N4BP2: variants seen among roughly 807,000 people sequenced by gnomAD.
N4BP2 encodes the protein NEDD4-binding protein 2.
N4BP2 carries 91 observed loss-of-function variants against 152.8 expected under a neutral mutation model. The observed-to-expected ratio is 0.60, with a 90% CI of 0.50 to 0.71. The LOEUF (loss-of-function observed/expected upper bound fraction) is 0.71, where lower values mean the gene tolerates loss of function less well. N4BP2 is among the 30% of genes least tolerant of loss of function. N4BP2 has a pLI of 0.00. For missense variants in N4BP2, 1,923 were observed against 2,059.1 expected, an observed-to-expected ratio of 0.93 and a Z score of 1.28; for synonymous variants, 646 against 705.3, an observed-to-expected ratio of 0.92 and a Z score of 1.33.
intron 5 of N4BP2, among the ~76,000 whole-genome samples, chr4:40,110,787 C>CCGA (rs1716800253): frequency 6.6e-6 from 1 of 152,148 alleles, no homozygotes; most frequent in African/African-American, 2.4e-5. Flanking sequence ...ATCCGCCCGC[C>CCGA]TCAGTATCCC....
At chr4:40,137,299 T>G (rs910042605) in intron 14 of N4BP2, among the ~76,000 whole-genome samples, 1 of 152,222 alleles carries the variant, frequency 6.6e-6, no homozygotes, top group African/African-American at 2.4e-5. Flanking sequence ...AACAGGCACT[T>G]GAATTTCTGC....
chr4:40,141,282 T>C (rs1719919312), intron 14 of N4BP2, among the ~76,000 whole-genome samples: 1 of 151,020 alleles, frequency 6.6e-6, no homozygotes, highest in Non-Finnish European at 1.5e-5. Context: ...CCCCACCTCC[T>C]TCCTGGACGG....
Position 40,124,142 on chromosome 4 carries a change from C to A in N4BP2, c.4285-18C>A, listed in dbSNP as rs748432614. The A allele has an allele frequency of 1.2e-6, 2 of 1,603,328 alleles. No individual in the cohort carries two copies. Among genetic ancestry groups the A allele is most frequent in the Admixed American group, 1.7e-5 (1 of 59,884 alleles). Reference sequence around the variant, plus strand: ...GCACTCCCTGTTTGCCAATCTCTTGCCTGGCTTTTGTGTTTAGGAGCGACA... The same window carrying A: ...GCACTCCCTGTTTGCCAATCTCTTGACTGGCTTTTGTGTTTAGGAGCGACA... On this transcript the variant is annotated intron_variant, in intron 10 of 17. Coordinates refer to ENST00000261435, the MANE Select transcript of N4BP2 (RefSeq NM_018177.6).
Position 40,102,199 on chromosome 4 carries a change from A to G in N4BP2, c.354A>G (p.Glu118=), listed in dbSNP as rs1211760640. The part of the protein sequence containing the change: ...QVGAAESKIM[E]KRPEEESEDS... ...GTGCAGCAGAAAGTAAAATAATGGA[A>G]AAACGTCCTGAAGAAGAGAGTGAAG... is the stretch of plus-strand genomic sequence containing the variant. Residue 118 remains glutamate (E), a synonymous_variant, in exon 4 of 18, where the codon GAA becomes GAG. Coordinates refer to ENST00000261435, the MANE Select transcript of N4BP2 (RefSeq NM_018177.6). 1 of 1,613,926 alleles carries G rather than the reference A, an allele frequency of 6.2e-7. No homozygotes were observed. The highest frequency in any genetic ancestry group is 8.5e-7 in the Non-Finnish European group (1 of 1,179,982).
intron 2 of N4BP2, among the ~76,000 whole-genome samples, chr4:40,074,823 A>G (rs964397635): frequency 2.0e-5 from 3 of 151,994 alleles, no homozygotes; most frequent in Non-Finnish European, 2.9e-5. Context: ...CCTGGCTAAC[A>G]TGGCAAAACT....
chr4:40,072,975 G>A (rs1712359331), intron 1 of N4BP2, among the ~76,000 whole-genome samples: 1 of 151,922 alleles, frequency 6.6e-6, no homozygotes, highest in African/African-American at 2.4e-5. Context: ...ACCCACCTTG[G>A]CCTCCAAAGT....
intron 2 of N4BP2, among the ~76,000 whole-genome samples, chr4:40,094,612 A>G (rs1235381684): frequency 6.6e-6 from 1 of 151,710 alleles, no homozygotes; most frequent in Admixed American, 6.6e-5. Flanking sequence ...CTGGAGTGCA[A>G]TGGTGTGATC....
Position 40,157,647 on chromosome 4 carries a change from C to A in N4BP2, c.*3410C>A, listed in dbSNP as rs879307858. 6.6e-6 allele frequency: 1 copy of A among 152,014 alleles called. No homozygotes were observed. The highest frequency in any genetic ancestry group is 6.6e-5 in the Admixed American group (1 of 15,264). The allele number at this position is 152,014 out of a possible 1,614,324, so 9.4% of individuals were successfully genotyped here. On this transcript the variant is annotated 3_prime_UTR_variant, in exon 18 of 18. Transcript: ENST00000261435. ...CCAAGTGCTTTTTCTAAGTGCTTTT[C>A]CATTGTGCAATGAGGTGAAGTTTGG...
At chr4:40,185,969 A>G in the N4BP2 span, among the ~76,000 whole-genome samples, 1 of 152,184 alleles carries the variant, frequency 6.6e-6, no homozygotes. Flanking sequence ...CACTGAATTA[A>G]TTACCCAGAA....
the N4BP2 span, among the ~76,000 whole-genome samples, chr4:40,164,407 G>A: frequency 6.6e-6 from 1 of 152,152 alleles, no homozygotes; most frequent in Non-Finnish European, 1.5e-5. Context: ...TCACAGAATT[G>A]ATACCAAATT....
chr4:40,121,967 G>A lies in N4BP2; in HGVS notation c.3856G>A (p.Asp1286Asn). Residue 1286 changes from aspartate to asparagine, a missense_variant, in exon 9 of 18, where the codon GAT (aspartate) becomes AAT (asparagine). By Grantham distance (23) the Asp-to-Asn change is conservative. Coordinates refer to ENST00000261435, the MANE Select transcript of N4BP2 (RefSeq NM_018177.6). Reference sequence around the variant, plus strand: ...CATACATTCTCCTTCACATTTCTCTGATATTTTTAACTTTGTATCTAGTAC... The same window carrying A: ...CATACATTCTCCTTCACATTTCTCTAATATTTTTAACTTTGTATCTAGTAC... ...DNIHSPSHFS[D>N]IFNFVSSTSN... is the part of the protein sequence containing the mutation. 1 of 1,557,946 alleles carries A rather than the reference G, an allele frequency of 6.4e-7. No homozygotes were observed. The highest frequency in any genetic ancestry group is 8.7e-7 in the Non-Finnish European group (1 of 1,153,796).
At chr4:40,178,649 A>G in the N4BP2 span, among the ~76,000 whole-genome samples, 1 of 152,236 alleles carries the variant, frequency 6.6e-6, no homozygotes, top group Non-Finnish European at 1.5e-5. Flanking sequence ...CCAGCTCTCT[A>G]GATAACGAAA....
intron 6 of N4BP2, 74 bp from the exon 7 acceptor site, chr4:40,113,358 A>G (rs1717064908): frequency 1.8e-6 from 2 of 1,103,576 alleles, no homozygotes; most frequent in Non-Finnish European, 2.7e-6. Context: ...TTTACATGCT[A>G]TATATTTGGA....
At chr4:40,071,497 GT>G (rs1712175641) in intron 1 of N4BP2, among the ~76,000 whole-genome samples, 1 of 152,210 alleles carries the variant, frequency 6.6e-6, no homozygotes, top group African/African-American at 2.4e-5. Context: ...TCATTATAAA[GT>G]TATGGTTTTC....
rs551377283 is a variant in N4BP2 at position 40,061,488 on chromosome 4, C to T, written c.-212+4458C>T. On this transcript the variant is annotated intron_variant, in intron 1 of 17. Coordinates refer to ENST00000261435, the MANE Select transcript of N4BP2 (RefSeq NM_018177.6). ...CAAGTGATTCTTCTGCCTCAGCCTC[C>T]CAAGTAGCTGGGATTACAGATGTGC... is the stretch of plus-strand genomic sequence containing the variant. Among the ~76,000 whole-genome samples, 3 of 152,090 alleles carry T rather than the reference C, an allele frequency of 2.0e-5. No individual in the cohort carries two copies. The South Asian group carries it at 6.2e-4, about 32-fold the overall frequency.
At chr4:40,181,940 C>T in the N4BP2 span, among the ~76,000 whole-genome samples, 2 of 152,184 alleles carry the variant, frequency 1.3e-5, no homozygotes, top group African/African-American at 4.8e-5. Flanking sequence ...CAGAGCAAGA[C>T]TCTGTCTCCA....
At chr4:40,141,043 C>A (rs1219085684) in intron 14 of N4BP2, among the ~76,000 whole-genome samples, 1 of 151,776 alleles carries the variant, frequency 6.6e-6, no homozygotes, top group Non-Finnish European at 1.5e-5. Flanking sequence ...CCCACCTCTC[C>A]CCACTTTCTA....
chr4:40,115,474 CA>C (rs1197380759), intron 7 of N4BP2, among the ~76,000 whole-genome samples: 1 of 152,162 alleles, frequency 6.6e-6, no homozygotes, highest in Non-Finnish European at 1.5e-5. Flanking sequence ...CCAGCCTAGG[CA>C]ACAGAGCGAG....
chr4:40,171,980 C>T, the N4BP2 span, among the ~76,000 whole-genome samples: 1 of 152,192 alleles, frequency 6.6e-6, no homozygotes, highest in African/African-American at 2.4e-5. Context: ...GATCTCAGCT[C>T]ACTGCAACCT....
Sources: gnomAD v4.1 joint callset for allele counts (sites outside exome capture counted in the v4.1 genomes callset) on GRCh38, gnomAD v4.1.1 for gene constraint, MANE v1.5 for transcripts, NCBI Gene and HGNC (gene_info 2026-07-23, HGNC 2026-07-21) for gene names.